C1QTNF1: variants seen among roughly 807,000 people sequenced by gnomAD.
C1QTNF1 encodes complement C1q tumor necrosis factor-related protein 1.
C1QTNF1 carries 22 observed loss-of-function variants against 27.8 expected under a neutral mutation model. The ratio of observed to expected loss-of-function variants is 0.79; its 90% CI spans 0.56 to 1.13. C1QTNF1 has a LOEUF of 1.13. Among genes scored for constraint, C1QTNF1 ranks in the 50% most tolerant of loss-of-function variants. The pLI is 0.00. For missense variants in C1QTNF1, 373 were observed against 380.2 expected, an observed-to-expected ratio of 0.98 and a Z score of 0.16; for synonymous variants, 166 against 154.3, an observed-to-expected ratio of 1.08 and a Z score of -0.56.
intron 1 of C1QTNF1, chr17:79,043,275 T>C: frequency 2.2e-6 from 1 of 451,856 alleles, no homozygotes; most frequent in Non-Finnish European, 4.4e-6. Context: ...GCATGTGTGT[T>C]GAGAGTGTGC....
intron 1 of C1QTNF1, among the ~76,000 whole-genome samples, chr17:79,033,142 C>G (rs2072180614): frequency 6.6e-6 from 1 of 151,576 alleles, no homozygotes; most frequent in African/African-American, 2.4e-5. Context: ...ATATGTGGGT[C>G]TAGACCAGCG....
rs2072661009 is a variant in C1QTNF1 at position 79,048,369 on chromosome 17, C to T, written c.*281C>T. 2.7e-6 allele frequency: 1 copy of T among 364,150 alleles called. No homozygotes were observed. The highest frequency in any genetic ancestry group is 4.9e-6 in the Non-Finnish European group (1 of 204,008). The allele number at this position is 364,150 out of a possible 1,614,324, so 22.6% of individuals were successfully genotyped here. A position where few individuals can be genotyped will look rare whatever the true frequency, so the allele number is the denominator to read the frequency against. On this transcript the variant is annotated 3_prime_UTR_variant, in exon 4 of 4. Coordinates refer to ENST00000579760, the MANE Select transcript of C1QTNF1 (RefSeq NM_030968.5). Reference sequence around the variant, plus strand: ...CCTCAAGTGACCCCGCACGGCGAGACGCGGGTGGCGGCAGGGCGTCCCAGG... The same window carrying T: ...CCTCAAGTGACCCCGCACGGCGAGATGCGGGTGGCGGCAGGGCGTCCCAGG...
chr17:79,042,800 G>A (rs533168157), intron 1 of C1QTNF1, among the ~76,000 whole-genome samples: 2 of 152,360 alleles, frequency 1.3e-5, no homozygotes, highest in East Asian at 1.9e-4. Context: ...CAGCCTGACT[G>A]GCTGAGGCTC....
chr17:79,024,779 TACTA>T (rs1196683709), intron 1 of C1QTNF1: 2 of 152,356 alleles, frequency 1.3e-5, no homozygotes, highest in African/African-American at 4.8e-5. Context: ...TGCACGTGGA[TACTA>T]ACGGGAGGAA....
At chr17:79,031,616 G>T (rs1340802819) in intron 1 of C1QTNF1, among the ~76,000 whole-genome samples, 2 of 151,930 alleles carry the variant, frequency 1.3e-5, no homozygotes, top group African/African-American at 4.8e-5. Flanking sequence ...GCTAAATTTT[G>T]TATTTTTAGT....
intron 1 of C1QTNF1, among the ~76,000 whole-genome samples, chr17:79,036,284 C>G (rs1299577196): frequency 1.3e-5 from 2 of 152,240 alleles, no homozygotes; most frequent in Non-Finnish European, 2.9e-5. Context: ...AACCAGTCCT[C>G]TTGCCTCAGC....
rs942697414 is a variant in C1QTNF1, at chr17:79,049,517, G to T, written c.*1429G>T. On this transcript the variant is annotated 3_prime_UTR_variant, in exon 4 of 4. Transcript: ENST00000579760. This position sits in a 1 kb window ranked among gnomAD's most constrained non-coding sequence, Gnocchi z 4.4. ...CACCTCACCCCATGTTGATGCCCAG[G>T]GTCACTCTTGCTACCCGCTGGGCCC... is the stretch of plus-strand genomic sequence containing the variant. 1 of 152,346 alleles carries T rather than the reference G, an allele frequency of 6.6e-6. No individual in the cohort carries two copies. Among genetic ancestry groups the T allele is most frequent in the African/African-American group, 2.4e-5 (1 of 41,406 alleles). 9.4% of individuals were successfully genotyped at this position (152,346 alleles called of 1,614,324 possible). A position where few individuals can be genotyped will look rare whatever the true frequency, so the allele number is the denominator to read the frequency against.
At chr17:79,034,495 T>C (rs7213410) in intron 1 of C1QTNF1, 21,042 of 152,344 alleles carry the variant, frequency 0.14, 1,935 homozygotes, top group African/African-American at 0.25. Context: ...TTGCAGGGCC[T>C]GGGCAAAAAT....
chr17:79,027,898 C>G (rs1476941194), intron 1 of C1QTNF1, among the ~76,000 whole-genome samples: 1 of 152,210 alleles, frequency 6.6e-6, no homozygotes, highest in African/African-American at 2.4e-5. Context: ...GCACGGGGAC[C>G]CCCACAGTCC....
intron 1 of C1QTNF1, among the ~76,000 whole-genome samples, chr17:79,032,588 G>A (rs1176468856): frequency 1.3e-5 from 2 of 152,190 alleles, no homozygotes; most frequent in African/African-American, 4.8e-5. Flanking sequence ...GACCTGCAGG[G>A]GGCTGGCGAT....
At chr17:79,023,704 GCACACACACACACACACACA>G, upstream of C1QTNF1, among the ~76,000 whole-genome samples, 1 of 145,030 alleles carries the variant, frequency 6.9e-6, no homozygotes, top group South Asian at 2.3e-4. Context: ...GCGCGCGCGC[GCACACACACACACACACACA>G]CACACACACA....
rs1471598732 is a variant in C1QTNF1 at position 79,030,485 on chromosome 17, T to TTCTTTC, written c.-15+5992_-15+5993insCTTTCT. ...TTTCTTTCTTTCTTTCTTTCTTTCTTTTTCTTTCTTTCTTTCTTTCTTTCT... is the reference window on the plus strand; with the variant it reads ...TTTCTTTCTTTCTTTCTTTCTTTCTTTCTTTCTTTCTTTCTTTCTTTCTTTCTTTCT... On this transcript the variant is annotated intron_variant, in intron 1 of 3. Transcript: ENST00000579760. 4.5e-3 allele frequency among the ~76,000 whole-genome samples: 547 copies of TTCTTTC among 121,804 alleles called. 1 individual carries two copies. The highest frequency in any genetic ancestry group is 0.016 in the Middle Eastern group (4 of 256). The allele number at this position is 121,804 out of a possible 152,430, so 79.9% of individuals were successfully genotyped here. A position where few individuals can be genotyped will look rare whatever the true frequency, so the allele number is the denominator to read the frequency against.
rs1235665466 is a variant in C1QTNF1 at position 79,046,074 on chromosome 17, G to A, written c.156-481G>A. 6.6e-6 allele frequency among the ~76,000 whole-genome samples: 1 copy of A among 152,184 alleles called. No homozygotes were observed. The highest frequency in any genetic ancestry group is 1.5e-5 in the Non-Finnish European group (1 of 68,018). ...GCCAGGAGCCGCCGCCGTCCATCCT[G>A]CCTGCGGGCTTGTCCTTCCAATCAG... On this transcript the variant is annotated intron_variant, in intron 2 of 3. Coordinates refer to ENST00000579760, the MANE Select transcript of C1QTNF1 (RefSeq NM_030968.5). This position sits in a 1 kb window ranked among gnomAD's most constrained non-coding sequence, Gnocchi z 4.8.
At chr17:79,043,573 T>G (rs1052296694) in intron 1 of C1QTNF1, 3 of 437,438 alleles carry the variant, frequency 6.9e-6, no homozygotes, top group Non-Finnish European at 1.4e-5. Flanking sequence ...TGTGTGTACA[T>G]GTGTGTGGAT....
At chr17:79,040,859 G>A (rs532122076) in intron 1 of C1QTNF1, among the ~76,000 whole-genome samples, 2 of 151,750 alleles carry the variant, frequency 1.3e-5, no homozygotes, top group Admixed American at 1.3e-4. Flanking sequence ...AGCCGAGATT[G>A]CACCACTGCA....
intron 1 of C1QTNF1, among the ~76,000 whole-genome samples, chr17:79,039,052 A>T (rs1462514618): frequency 2.8e-5 from 4 of 142,226 alleles, no homozygotes; most frequent in African/African-American, 1.0e-4. Context: ...CACCCCAGTG[A>T]CAGCATCGTT....
chr17:79,042,046 C>T (rs62063352), intron 1 of C1QTNF1, among the ~76,000 whole-genome samples: 21,496 of 152,258 alleles, frequency 0.14, 2,023 homozygotes, highest in African/African-American at 0.26. Context: ...GAGTCCACGC[C>T]GGCCTGGCAG....
At chr17:79,025,903 C>A in intron 1 of C1QTNF1, 1 of 431,846 alleles carries the variant, frequency 2.3e-6, no homozygotes, top group Non-Finnish European at 4.7e-6. Context: ...ATCATCATCA[C>A]CATCATCATC....
intron 1 of C1QTNF1, among the ~76,000 whole-genome samples, chr17:79,042,187 A>T (rs2072429472): frequency 6.6e-6 from 1 of 152,250 alleles, no homozygotes; most frequent in South Asian, 2.1e-4. Flanking sequence ...AGTTGACCAC[A>T]GTCGCTGTGC....
Sources: gnomAD v4.1 joint callset for allele counts (sites outside exome capture counted in the v4.1 genomes callset) on GRCh38, gnomAD v4.1.1 for gene constraint, Gnocchi (gnomAD v3.1) non-coding constraint, MANE v1.5 for transcripts, NCBI Gene and HGNC (gene_info 2026-07-23, HGNC 2026-07-21) for gene names.